The following ADAMTS16 variants were observed in gnomAD, a reference collection of about 807,000 sequenced individuals.
The protein encoded by ADAMTS16 is A disintegrin and metalloproteinase with thrombospondin motifs 16.
Under a neutral mutation model 145.8 loss-of-function variants are expected in ADAMTS16, and 94 were observed. The ratio of observed to expected loss-of-function variants is 0.64; its 90% confidence interval spans 0.55 to 0.77. The LOEUF is 0.77. ADAMTS16 is among the 30% of genes least tolerant of loss of function. The probability of loss-of-function intolerance (pLI) is 0.00; values close to 1 mark genes in which losing one functional copy is unlikely to be tolerated. For synonymous variants in ADAMTS16, 659 were observed against 604.3 expected, an observed-to-expected ratio of 1.09 and a Z score of -1.33; for missense variants, 1,585 against 1,591.5, an observed-to-expected ratio of 1.00 and a Z score of 0.07.
chr5:5,175,577 G>A (rs1387275299), intron 3 of ADAMTS16, among the ~76,000 whole-genome samples: 1 of 152,086 alleles, frequency 6.6e-6, no homozygotes, highest in Non-Finnish European at 1.5e-5. Flanking sequence ...ACCAGAACTT[G>A]CCTAGGAATT....
chr5:5,216,230 G>A (rs2126333118), intron 10 of ADAMTS16, among the ~76,000 whole-genome samples: 1 of 152,030 alleles, frequency 6.6e-6, no homozygotes. Flanking sequence ...TTTAGTTATG[G>A]CCATTCTTGC....
chr5:5,243,801 A>G (rs1027299256), intron 17 of ADAMTS16, among the ~76,000 whole-genome samples: 2 of 152,196 alleles, frequency 1.3e-5, no homozygotes, highest in African/African-American at 4.8e-5. Flanking sequence ...TCAAGCATTC[A>G]GGGGAACTCA....
At chr5:5,196,067 A>T (rs1735792057) in intron 8 of ADAMTS16, among the ~76,000 whole-genome samples, 1 of 151,932 alleles carries the variant, frequency 6.6e-6, no homozygotes, top group African/African-American at 2.4e-5. Flanking sequence ...CTCTACTAAA[A>T]ATACAAAAAT....
chr5:5,267,973 A>G (rs1738311081), intron 18 of ADAMTS16, among the ~76,000 whole-genome samples: 1 of 152,168 alleles, frequency 6.6e-6, no homozygotes, highest in African/African-American at 2.4e-5. Flanking sequence ...GGAGACACGG[A>G]TGAACCATGG....
At chr5:5,280,390 A>G (rs1440260298) in intron 18 of ADAMTS16, among the ~76,000 whole-genome samples, 3 of 152,196 alleles carry the variant, frequency 2.0e-5, no homozygotes, top group Non-Finnish European at 4.4e-5. Flanking sequence ...ATTGCTAATT[A>G]TTACAATGAA....
rs1045529497 is a variant in ADAMTS16, at chr5:5,264,365, ATCT to A, written c.2789+1584_2789+1586del. On this transcript the variant is annotated intron_variant, in intron 18 of 22. Coordinates refer to ENST00000274181, the MANE Select transcript of ADAMTS16 (RefSeq NM_139056.4). ...AGAATGAAATTCTAACTCCAACTAGATCTTTCAAATAGCTCAAGGCACTCAAAG... is the reference window on the plus strand; with the variant it reads ...AGAATGAAATTCTAACTCCAACTAGATTCAAATAGCTCAAGGCACTCAAAG... 3.9e-4 allele frequency among the ~76,000 whole-genome samples: 59 copies of A among 152,120 alleles called. 1 individual carries two copies. The highest frequency in any genetic ancestry group is 1.1e-3 in the African/African-American group (46 of 41,434).
chr5:5,242,075 C>T lies in ADAMTS16; in HGVS notation c.2546C>T (p.Pro849Leu), dbSNP rs755952454. Residue 849 changes from proline to leucine, a missense_variant, in exon 17 of 23, where the codon CCG becomes CTG. Pro to Leu is a moderately conservative substitution (Grantham distance 98). Transcript: ENST00000274181. The part of the protein sequence containing the change: ...IVELLFQGRN[P>L]GVAWEYSMPR... ...TAGCTGCTGTTTCAGGGAAGGAACC[C>T]GGGTGTTGCCTGGGAATACTCCATG... The T allele has an allele frequency of 3.3e-5, 54 of 1,614,094 alleles. No homozygotes were observed. The highest frequency in any genetic ancestry group is 4.2e-5 in the Non-Finnish European group (49 of 1,179,998).
At chr5:5,162,097 T>G (rs1734755087) in intron 3 of ADAMTS16, among the ~76,000 whole-genome samples, 1 of 152,226 alleles carries the variant, frequency 6.6e-6, no homozygotes, top group African/African-American at 2.4e-5. Flanking sequence ...GATAGACGTA[T>G]GCATGTTAAA....
chr5:5,194,228 A>G (rs946023382), intron 8 of ADAMTS16, among the ~76,000 whole-genome samples: 67 of 152,214 alleles, frequency 4.4e-4, no homozygotes, highest in African/African-American at 1.5e-3. Context: ...TGAGACAGAG[A>G]ACCTGGAGCT....
rs115674194 is a variant in ADAMTS16, at chr5:5,202,322, T to A, written c.1451+2053T>A. Among the ~76,000 whole-genome samples, 454 of 152,342 alleles carry A rather than the reference T, an allele frequency of 3.0e-3. 4 individuals are homozygous for A. The highest frequency in any genetic ancestry group is 0.01 in the African/African-American group (421 of 41,586). On this transcript the variant is annotated intron_variant, in intron 9 of 22. Coordinates refer to ENST00000274181, the MANE Select transcript of ADAMTS16 (RefSeq NM_139056.4). ...AAGTGGCAACAGTTTGGACGATATG[T>A]GTATCTTGGTAATATAAACCTGTAT...
chr5:5,305,061 C>T (rs1489951691), intron 20 of ADAMTS16, among the ~76,000 whole-genome samples: 7 of 113,800 alleles, frequency 6.2e-5, no homozygotes, highest in Non-Finnish European at 5.3e-5. Context: ...ACACATCCCA[C>T]ACCACACACA....
Position 5,294,928 on chromosome 5 carries a change from G to A in ADAMTS16, c.2790-8340G>A, listed in dbSNP as rs148241971. Among the ~76,000 whole-genome samples the A allele has an allele frequency of 3.2e-3, 491 of 152,274 alleles. 3 individuals carry two copies. The highest frequency in any genetic ancestry group is 0.011 in the African/African-American group (458 of 41,552). ...GGTTTATACAGCTGTGGAGTGCAGA[G>A]AGGATGCAGGTGTCAATACCAGACA... On this transcript the variant is annotated intron_variant, in intron 18 of 22. Coordinates refer to ENST00000274181, the MANE Select transcript of ADAMTS16 (RefSeq NM_139056.4).
At chr5:5,147,853 G>A (rs1189778447) in intron 3 of ADAMTS16, among the ~76,000 whole-genome samples, 2 of 152,142 alleles carry the variant, frequency 1.3e-5, no homozygotes, top group Admixed American at 6.5e-5. Context: ...TTTGGATTTG[G>A]TTGTGGAAAT....
chr5:5,192,287 A>T (rs1223690282), intron 8 of ADAMTS16, among the ~76,000 whole-genome samples: 1 of 152,114 alleles, frequency 6.6e-6, no homozygotes, highest in Non-Finnish European at 1.5e-5. Flanking sequence ...CCTAAGATTG[A>T]GGATAGCTGT....
intron 5 of ADAMTS16, 90 bp downstream of exon 5, chr5:5,186,341 T>C: frequency 1.7e-6 from 2 of 1,198,614 alleles, no homozygotes; most frequent in South Asian, 1.3e-5. Flanking sequence ...TGTGTTTCCA[T>C]TTTACTTGTT....
At chr5:5,181,383 G>A (rs1400140266) in intron 3 of ADAMTS16, among the ~76,000 whole-genome samples, 3 of 152,102 alleles carry the variant, frequency 2.0e-5, no homozygotes, top group Non-Finnish European at 2.9e-5. Flanking sequence ...AAAAGCAATC[G>A]ATTTTGTCTC....
intron 10 of ADAMTS16, among the ~76,000 whole-genome samples, chr5:5,215,589 G>T (rs1302116623): frequency 4.0e-5 from 6 of 151,286 alleles, no homozygotes; most frequent in African/African-American, 1.2e-4. Flanking sequence ...TACAATATTT[G>T]ATTTTCCATT....
intron 3 of ADAMTS16, among the ~76,000 whole-genome samples, chr5:5,165,830 A>G (rs145650061): frequency 0.012 from 1,834 of 152,264 alleles, 21 homozygotes; most frequent in Middle Eastern, 0.031. Context: ...TCCAGGTGAC[A>G]ACCCCTCATG....
chr5:5,163,383 T>C (rs886250479), intron 3 of ADAMTS16, among the ~76,000 whole-genome samples: 2 of 152,226 alleles, frequency 1.3e-5, no homozygotes, highest in African/African-American at 4.8e-5. Flanking sequence ...CTGAAGATTA[T>C]ACAATTTGAG....
Sources: gnomAD v4.1 joint callset for allele counts (sites outside exome capture counted in the v4.1 genomes callset) on GRCh38, gnomAD v4.1.1 for gene constraint, MANE v1.5 for transcripts, NCBI Gene and HGNC (gene_info 2026-07-23, HGNC 2026-07-21) for gene names.